The following EFNA5 variants were observed in gnomAD, a reference collection of about 807,000 sequenced individuals.
The protein encoded by EFNA5 is ephrin A5.
A neutral mutation model predicts 22.9 loss-of-function variants in EFNA5; 5 were observed. That is an observed-to-expected ratio of 0.22 (90% CI 0.11 to 0.46). The LOEUF (loss-of-function observed/expected upper bound fraction) is 0.46. EFNA5 is among the 20% of genes least tolerant of loss of function. The pLI is 0.99. For missense variants in EFNA5, 237 were observed against 293.3 expected (o/e 0.81, Z 1.40); for synonymous variants, 113 against 112.2 (o/e 1.01, Z -0.04).
intron 1 of EFNA5, among the ~76,000 whole-genome samples, chr5:107,476,057 T>TGTATACATATATATATATG: frequency 2.0e-5 from 2 of 100,434 alleles, no homozygotes; most frequent in African/African-American, 1.0e-4. Flanking sequence ...TATATATATA[T>TGTATACATATATATATATG]TTTTTTTTTT....
At chr5:107,431,054 G>T (rs570358722) in intron 1 of EFNA5, among the ~76,000 whole-genome samples, 1 of 152,144 alleles carries the variant, frequency 6.6e-6, no homozygotes, top group East Asian at 1.9e-4. Context: ...GATTACAGGC[G>T]TGAGCCACCG....
intron 1 of EFNA5, among the ~76,000 whole-genome samples, chr5:107,472,959 G>A (rs370970924): frequency 1.6e-4 from 25 of 152,230 alleles, no homozygotes; most frequent in Non-Finnish European, 3.4e-4. Context: ...GCCCCTGCAG[G>A]CATCTCAACA....
At chr5:107,660,461 CAAG>C (rs1430390634) in intron 1 of EFNA5, among the ~76,000 whole-genome samples, 3 of 150,418 alleles carry the variant, frequency 2.0e-5, no homozygotes, top group South Asian at 2.1e-4. Flanking sequence ...ATACTGAAAC[CAAG>C]AAGAACACTA....
At chr5:107,430,561 T>A (rs970300517) in intron 1 of EFNA5, among the ~76,000 whole-genome samples, 1 of 152,086 alleles carries the variant, frequency 6.6e-6, no homozygotes, top group Non-Finnish European at 1.5e-5. Context: ...AGTTTCTTCA[T>A]GCCTAGAAGT....
chr5:107,514,990 G>A (rs377699871), intron 1 of EFNA5, among the ~76,000 whole-genome samples: 15 of 152,148 alleles, frequency 9.9e-5, no homozygotes, highest in Admixed American at 2.6e-4. Context: ...GGTGAATGCC[G>A]GCAGGAACTA....
chr5:107,573,520 G>C (rs1226915273), intron 1 of EFNA5, among the ~76,000 whole-genome samples: 1 of 151,868 alleles, frequency 6.6e-6, no homozygotes, highest in African/African-American at 2.4e-5. Context: ...CAGGTAAAAT[G>C]AGAGTTTGTA....
intron 1 of EFNA5, among the ~76,000 whole-genome samples, chr5:107,496,164 T>TAAAAAAAA (rs35565454): frequency 5.7e-4 from 53 of 93,090 alleles, no homozygotes; most frequent in East Asian, 8.6e-4. Context: ...CTGTCTCTGC[T>TAAAAAAAA]AAAAAAAAAA....
intron 4 of EFNA5, among the ~76,000 whole-genome samples, chr5:107,383,861 G>A (rs1184747949): frequency 6.6e-6 from 1 of 152,166 alleles, no homozygotes; most frequent in Non-Finnish European, 1.5e-5. Flanking sequence ...TGAAGTATGA[G>A]GCTAAGTGTG....
At chr5:107,598,277 C>A (rs912736439) in intron 1 of EFNA5, among the ~76,000 whole-genome samples, 2 of 152,120 alleles carry the variant, frequency 1.3e-5, no homozygotes, top group Admixed American at 6.5e-5. Context: ...ATTTTCCTTA[C>A]TGCAGTCCTG....
intron 2 of EFNA5, among the ~76,000 whole-genome samples, chr5:107,406,108 C>A (rs1748209842): frequency 7.4e-6 from 1 of 135,226 alleles, no homozygotes; most frequent in African/African-American, 2.7e-5. Flanking sequence ...TATACATATT[C>A]TATGTATTTA....
intron 1 of EFNA5, among the ~76,000 whole-genome samples, chr5:107,494,432 C>T (rs1746912471): frequency 6.6e-6 from 1 of 152,228 alleles, no homozygotes; most frequent in African/African-American, 2.4e-5. Flanking sequence ...GCAGCGCCAG[C>T]CCACTGGCGC....
intron 1 of EFNA5, among the ~76,000 whole-genome samples, chr5:107,497,886 G>C (rs1747026448): frequency 1.3e-5 from 2 of 152,146 alleles, no homozygotes; most frequent in South Asian, 4.1e-4. Context: ...TTATTAGCAT[G>C]AAGTTTACCA....
chr5:107,561,754 C>A (rs1267274632), intron 1 of EFNA5, among the ~76,000 whole-genome samples: 1 of 152,128 alleles, frequency 6.6e-6, no homozygotes, highest in Non-Finnish European at 1.5e-5. Context: ...GACTAAATGC[C>A]AAATTTAATG....
intron 1 of EFNA5, among the ~76,000 whole-genome samples, chr5:107,516,100 G>C (rs558495719): frequency 3.3e-5 from 5 of 151,920 alleles, no homozygotes; most frequent in Non-Finnish European, 5.9e-5. Context: ...AAGTAACCGG[G>C]CTCAAGTGAT....
At chr5:107,426,641 C>G (rs1339438748) in intron 2 of EFNA5, among the ~76,000 whole-genome samples, 1 of 152,192 alleles carries the variant, frequency 6.6e-6, no homozygotes. Context: ...GCTCACAGGT[C>G]GGAAACTCGC....
chr5:107,442,912 G>A (rs990890265), intron 1 of EFNA5, among the ~76,000 whole-genome samples: 15 of 114,084 alleles, frequency 1.3e-4, no homozygotes, highest in African/African-American at 3.5e-4. Context: ...CCCGAGGAGC[G>A]AAAGTTCCCC....
chr5:107,419,758 C>T (rs1019196844), intron 2 of EFNA5, among the ~76,000 whole-genome samples: 2 of 152,178 alleles, frequency 1.3e-5, no homozygotes, highest in African/African-American at 2.4e-5. Flanking sequence ...TCCTACAGAA[C>T]ATTTCAGTTA....
intron 1 of EFNA5, among the ~76,000 whole-genome samples, chr5:107,617,237 C>CACACACACAGAGAGAG (rs1385888674): frequency 4.2e-5 from 6 of 144,458 alleles, no homozygotes; most frequent in African/African-American, 1.6e-4. Flanking sequence ...CACACACACA[C>CACACACACAGAGAGAG]AGAGAGAGAG....
rs1748138925 is a variant in EFNA5 at position 107,403,546 on chromosome 5, T to C, written c.419-15775A>G. The stretch of plus-strand genomic sequence containing the variant: ...TCTTCCTAGTGTAGTAGCCTTCTAC[T>C]GCATTCTACATTACAGTTTCACAAT... On this transcript the variant is annotated intron_variant, in intron 2 of 4. Coordinates refer to ENST00000333274, the MANE Select transcript of EFNA5 (RefSeq NM_001962.3). Among the ~76,000 whole-genome samples the C allele has an allele frequency of 2.0e-5, 3 of 152,254 alleles. No individual in the cohort carries two copies. The South Asian group carries it at 6.2e-4, about 31-fold the overall frequency.
Sources: allele counts gnomAD v4.1 joint callset (sites outside exome capture counted in the v4.1 genomes callset), GRCh38; gene constraint gnomAD v4.1.1; transcripts MANE v1.5; gene names NCBI Gene and HGNC (gene_info 2026-07-23, HGNC 2026-07-21).